PCNX4: variants seen among roughly 807,000 people sequenced by gnomAD.
The protein encoded by PCNX4 is pecanex 4.
Under a neutral mutation model 107.2 loss-of-function variants are expected in PCNX4, and 103 were observed. The ratio of observed to expected loss-of-function variants is 0.96; its 90% CI spans 0.82 to 1.13. The LOEUF is 1.13. Among genes scored for constraint, PCNX4 ranks in the 50% most tolerant of loss-of-function variants. The probability of loss-of-function intolerance (pLI) is 0.00; values close to 1 mark genes in which losing one functional copy is unlikely to be tolerated. For synonymous variants in PCNX4, 541 were observed against 481.7 expected, an observed-to-expected ratio of 1.12 and a Z score of -1.61; for missense variants, 1,528 against 1,379.4, an observed-to-expected ratio of 1.11 and a Z score of -1.71.
intron 2 of PCNX4, chr14:60,109,295 T>G (rs564935808): frequency 4.2e-5 from 7 of 167,144 alleles, no homozygotes; most frequent in Admixed American, 3.3e-4. Flanking sequence ...ACTCAGCTTA[T>G]GGCATTTTTT....
In PCNX4 at chr14:60,116,074, T is replaced by C; in HGVS notation, c.1578+14T>C. 2 of 1,579,724 alleles carry C rather than the reference T, an allele frequency of 1.3e-6. No individual in the cohort carries two copies. Among genetic ancestry groups the C allele is most frequent in the Non-Finnish European group, 1.7e-6 (2 of 1,162,710 alleles). ...AGACTCTTACTGGTAAGTGTGTCTT[T>C]TAACAGCTTTACTGAAATATATTTT... On this transcript the variant is annotated intron_variant, in intron 6 of 10. Coordinates refer to ENST00000406854, the MANE Select transcript of PCNX4 (RefSeq NM_001330177.2).
At chr14:60,112,136 T>C (rs1402864950) in intron 2 of PCNX4, among the ~76,000 whole-genome samples, 2 of 152,212 alleles carry the variant, frequency 1.3e-5, no homozygotes, top group African/African-American at 4.8e-5. Flanking sequence ...TACTTTTAAA[T>C]GACTTCTTCT....
chr14:60,114,821 G>T lies in PCNX4; in HGVS notation c.811G>T (p.Ala271Ser). The T allele has an allele frequency of 6.2e-7, 1 of 1,613,780 alleles. No individual in the cohort carries two copies. The highest frequency in any genetic ancestry group is 1.7e-5 in the Admixed American group (1 of 59,996). Residue 271 changes from alanine to serine, a missense_variant, in exon 3 of 11, where the codon GCA (alanine) becomes TCA (serine). Coordinates refer to ENST00000406854, the MANE Select transcript of PCNX4 (RefSeq NM_001330177.2). ...LPPPDALLLW[A>S]MEQVLEFGLG... ...CCCACCCGATGCACTTCTCTTATGG[G>T]CAATGGAGCAGGTTTTAGAGTTCGG... is the stretch of plus-strand genomic sequence containing the variant.
Position 60,146,596 on chromosome 14 carries a change from T to C in PCNX4, c.*12375T>C, listed in dbSNP as rs1201832913. The C allele has an allele frequency of 5.9e-5, 9 of 152,200 alleles. No homozygotes were observed. The highest frequency in any genetic ancestry group is 2.6e-4 in the Admixed American group (4 of 15,278). 9.4% of individuals were successfully genotyped at this position (152,200 alleles called of 1,614,324 possible). On this transcript the variant is annotated 3_prime_UTR_variant, in exon 11 of 11. Coordinates refer to ENST00000406854, the MANE Select transcript of PCNX4 (RefSeq NM_001330177.2). This position sits in a 1 kb window ranked among gnomAD's most constrained non-coding sequence, Gnocchi z 4.9. ...GATACCTACACTCCCATGTTCATTTTAGCATTATTCATAATAGCCAAGATA... is the reference window on the plus strand; with the variant it reads ...GATACCTACACTCCCATGTTCATTTCAGCATTATTCATAATAGCCAAGATA...
rs1405679621 is a variant in PCNX4 at position 60,141,721 on chromosome 14, C to A, written c.*7500C>A. On this transcript the variant is annotated 3_prime_UTR_variant, in exon 11 of 11. Transcript: ENST00000406854. The stretch of plus-strand genomic sequence containing the variant: ...GTATCAATCATTCATTATTTTTTAT[C>A]GCTGAGTAGTGCTGCATGGTATAGA... The A allele has an allele frequency of 1.3e-5, 2 of 152,140 alleles. No individual in the cohort carries two copies. Among genetic ancestry groups the A allele is most frequent in the East Asian group, 3.8e-4 (2 of 5,196 alleles). 9.4% of individuals were successfully genotyped at this position (152,140 alleles called of 1,614,324 possible). A position where few individuals can be genotyped will look rare whatever the true frequency, so the allele number is the denominator to read the frequency against.
Position 60,118,376 on chromosome 14 carries a change from G to T in PCNX4, c.1626G>T (p.Gln542His), listed in dbSNP as rs758813454. The part of the protein sequence containing the change: ...DRLIQFISKL[Q>H]FAVTVLLTSW... Reference sequence around the variant, plus strand: ...TGATTCAGTTCATCTCTAAATTGCAGTTTGCCGTGACTGTGCTTTTGACAT... The same window carrying T: ...TGATTCAGTTCATCTCTAAATTGCATTTTGCCGTGACTGTGCTTTTGACAT... The change falls in exon 7 of 11, where the codon CAG becomes CAT. Residue 542 changes from glutamine (Q) to histidine (H), a missense_variant. Gln to His is a conservative substitution (Grantham distance 24). Transcript: ENST00000406854. 38 of 1,613,128 alleles carry T rather than the reference G, an allele frequency of 2.4e-5. No individual in the cohort carries two copies. Among genetic ancestry groups the T allele is most frequent in the Non-Finnish European group, 3.1e-5 (37 of 1,179,544 alleles).
chr14:60,092,278 C>G lies in PCNX4; in HGVS notation c.-195C>G, dbSNP rs1472155976. On this transcript the variant is annotated 5_prime_UTR_variant, in exon 1 of 11. Coordinates refer to ENST00000406854, the MANE Select transcript of PCNX4 (RefSeq NM_001330177.2). Reference sequence around the variant, plus strand: ...GGCCCGGGCGGGGCCGCGGTGAGCTCGTTATTCGGCCGCCGCAGCTTTTCT... The same window carrying G: ...GGCCCGGGCGGGGCCGCGGTGAGCTGGTTATTCGGCCGCCGCAGCTTTTCT... The G allele has an allele frequency of 6.6e-6, 1 of 152,276 alleles. No individual in the cohort carries two copies. The highest frequency in any genetic ancestry group is 2.1e-4 in the South Asian group (1 of 4,836). The allele number at this position is 152,276 out of a possible 1,614,324, so 9.4% of individuals were successfully genotyped here. A position where few individuals can be genotyped will look rare whatever the true frequency, so the allele number is the denominator to read the frequency against.
At chr14:60,113,472 G>A (rs1361120689) in intron 2 of PCNX4, among the ~76,000 whole-genome samples, 1 of 151,980 alleles carries the variant, frequency 6.6e-6, no homozygotes, top group Admixed American at 6.6e-5. Flanking sequence ...AGGTTCAAGC[G>A]ATTCTCCTGC....
At position 60,107,731 on chromosome 14, in the gene PCNX4, A is replaced by G; in HGVS notation, c.93A>G (p.Lys31=). ...CTGTTCTTGGAGGCCCTCGATTCAA[A>G]TTAGGCTATTGTGCCCCTCCTTACA... The part of the protein sequence containing the change: ...PQTVLGGPRF[K]LGYCAPPYIY... The change falls in exon 2 of 11, where the codon AAA becomes AAG. Residue 31 remains lysine (K), a synonymous_variant. Transcript: ENST00000406854. 1 of 1,612,742 alleles carries G rather than the reference A, an allele frequency of 6.2e-7. No homozygotes were observed. Among genetic ancestry groups the G allele is most frequent in the Non-Finnish European group, 8.5e-7 (1 of 1,179,776 alleles).
intron 1 of PCNX4, among the ~76,000 whole-genome samples, chr14:60,101,960 G>A (rs1270300318): frequency 6.6e-6 from 1 of 152,204 alleles, no homozygotes; most frequent in Admixed American, 6.5e-5. Flanking sequence ...TATGTTAAGT[G>A]AAGTAAGCCA....
chr14:60,095,723 ATTCCT>A (rs1895410993), intron 1 of PCNX4, among the ~76,000 whole-genome samples: 1 of 151,522 alleles, frequency 6.6e-6, no homozygotes, highest in African/African-American at 2.4e-5. Flanking sequence ...AGGATGGTTT[ATTCCT>A]AGAAGTTCAG....
Position 60,115,987 on chromosome 14 carries a change from C to A in PCNX4, c.1505C>A (p.Ser502Ter). Reference sequence around the variant, plus strand: ...GCTTTATTGGAGACAGTCATTGTATCAACAGTACACTTGATCTCCAGTACA... The same window carrying A: ...GCTTTATTGGAGACAGTCATTGTATAAACAGTACACTTGATCTCCAGTACA... ...ENALLETVIV[S>*]TVHLISSTDI... is the part of the protein sequence containing the mutation. Residue 502 changes from serine (S) to a stop codon, truncating the protein, a stop_gained, in exon 6 of 11, where the codon TCA becomes TAA. Transcript: ENST00000406854. LOFTEE classifies it high-confidence loss of function. The A allele has an allele frequency of 6.2e-7, 1 of 1,612,542 alleles. No homozygotes were observed. The highest frequency in any genetic ancestry group is 8.5e-7 in the Non-Finnish European group (1 of 1,179,030).
In PCNX4 at chr14:60,134,099, G is replaced by A. The variant is rs1451948964; in HGVS notation, c.3397G>A (p.Glu1133Lys). Residue 1133 changes from glutamate to lysine, a missense_variant, in exon 11 of 11, where the codon GAA becomes AAA. Coordinates refer to ENST00000406854, the MANE Select transcript of PCNX4 (RefSeq NM_001330177.2). ...ATTACTTTATGCCACAAACGATGAT[G>A]AAGAACGTTATAGTATACAAGCTCA... ...WELLYATNDDEERYSIQAHPL... is the reference protein window; with the variant it reads ...WELLYATNDDKERYSIQAHPL... The A allele has an allele frequency of 3.1e-6, 5 of 1,613,750 alleles. No individual in the cohort carries two copies. The highest frequency in any genetic ancestry group is 3.4e-6 in the Non-Finnish European group (4 of 1,179,820).
At chr14:60,095,122 C>T (rs188917840) in intron 1 of PCNX4, among the ~76,000 whole-genome samples, 1 of 151,974 alleles carries the variant, frequency 6.6e-6, no homozygotes, top group African/African-American at 2.4e-5. Flanking sequence ...TGTCTTTCTT[C>T]GAAGATGATT....
rs983108099 is a variant in PCNX4, at chr14:60,141,074, C to T, written c.*6853C>T. ...CCTCTTCCCTTCCTGAAAGAGTCTGCTTTTACTCTATTCTTGTGGTAGACA... is the reference window on the plus strand; with the variant it reads ...CCTCTTCCCTTCCTGAAAGAGTCTGTTTTTACTCTATTCTTGTGGTAGACA... On this transcript the variant is annotated 3_prime_UTR_variant, in exon 11 of 11. Transcript: ENST00000406854. 3 of 152,212 alleles carry T rather than the reference C, an allele frequency of 2.0e-5. No homozygotes were observed. Among genetic ancestry groups the T allele is most frequent in the African/African-American group, 7.2e-5 (3 of 41,442 alleles). The allele number at this position is 152,212 out of a possible 1,614,324, so 9.4% of individuals were successfully genotyped here. A position where few individuals can be genotyped will look rare whatever the true frequency, so the allele number is the denominator to read the frequency against.
chr14:60,123,069 TG>T (rs1194917058), intron 8 of PCNX4, among the ~76,000 whole-genome samples: 1 of 152,080 alleles, frequency 6.6e-6, no homozygotes, highest in African/African-American at 2.4e-5. Flanking sequence ...ACCTACAGAT[TG>T]AGAACCTCTG....
rs897787275 is a variant in PCNX4, at chr14:60,092,274, A to T, written c.-199A>T. ...AGCTGGCCCGGGCGGGGCCGCGGTG[A>T]GCTCGTTATTCGGCCGCCGCAGCTT... On this transcript the variant is annotated 5_prime_UTR_variant, in exon 1 of 11. Coordinates refer to ENST00000406854, the MANE Select transcript of PCNX4 (RefSeq NM_001330177.2). 1.3e-5 allele frequency: 2 copies of T among 152,260 alleles called. No individual in the cohort carries two copies. Among genetic ancestry groups the T allele is most frequent in the Admixed American group, 1.3e-4 (2 of 15,288 alleles). 9.4% of individuals were successfully genotyped at this position (152,260 alleles called of 1,614,324 possible).
chr14:60,134,364 C>A lies in PCNX4; in HGVS notation c.*143C>A, dbSNP rs1896210436. On this transcript the variant is annotated 3_prime_UTR_variant, in exon 11 of 11. Coordinates refer to ENST00000406854, the MANE Select transcript of PCNX4 (RefSeq NM_001330177.2). ...ACAGCTAAGCTCCGTAAAGTTGGTT[C>A]TCTTAGCCATCTTAATGGTTCTAAA... The A allele has an allele frequency of 9.8e-7, 1 of 1,023,068 alleles. No homozygotes were observed. Among genetic ancestry groups the A allele is most frequent in the Admixed American group, 2.4e-5 (1 of 42,114 alleles). The allele number at this position is 1,023,068 out of a possible 1,614,324, so 63.4% of individuals were successfully genotyped here. A position where few individuals can be genotyped will look rare whatever the true frequency, so the allele number is the denominator to read the frequency against.
intron 6 of PCNX4, 121 bp from the exon 7 acceptor site, chr14:60,118,208 T>C (rs1895886572): frequency 1.5e-6 from 2 of 1,306,822 alleles, no homozygotes; most frequent in Admixed American, 6.7e-5. Context: ...AAGAATAAGA[T>C]TTATTTCTTC....
Sources: gnomAD v4.1 joint callset for allele counts (sites outside exome capture counted in the v4.1 genomes callset) on GRCh38, gnomAD v4.1.1 for gene constraint, Gnocchi (gnomAD v3.1) non-coding constraint, MANE v1.5 for transcripts, NCBI Gene and HGNC (gene_info 2026-07-23, HGNC 2026-07-21) for gene names.